Variants in ANO4 observed in about 807,000 individuals in gnomAD.
ANO4 encodes the protein anoctamin 4, also known as anoctamin-4.
ANO4 carries 69 observed loss-of-function variants against 141.9 expected under a neutral mutation model. The observed-to-expected ratio is 0.49, with a 90% CI of 0.40 to 0.59. The LOEUF is 0.59. ANO4 is among the 20% of genes least tolerant of loss of function. The probability of loss-of-function intolerance (pLI) is 0.00; values close to 1 mark genes in which losing one functional copy is unlikely to be tolerated. For synonymous variants in ANO4, 350 were observed against 394.3 expected, an observed-to-expected ratio of 0.89 and a Z score of 1.33; for missense variants, 894 against 1,162.2, an observed-to-expected ratio of 0.77 and a Z score of 3.36.
intron 8 of ANO4, among the ~76,000 whole-genome samples, chr12:100,994,474 G>C (rs1055539575): frequency 6.6e-6 from 1 of 152,170 alleles, no homozygotes; most frequent in Non-Finnish European, 1.5e-5. Context: ...TGCAAGAAGA[G>C]TCGTGTTACT....
At chr12:100,843,800 G>A (rs1412912836) in intron 1 of ANO4, among the ~76,000 whole-genome samples, 2 of 152,204 alleles carry the variant, frequency 1.3e-5, no homozygotes, top group African/African-American at 4.8e-5. Flanking sequence ...GAGAGTGATT[G>A]TGGGAGTTTG....
At chr12:100,941,951 G>GAA (rs768334027) in intron 4 of ANO4, among the ~76,000 whole-genome samples, 2 of 129,360 alleles carry the variant, frequency 1.5e-5, no homozygotes, top group South Asian at 2.7e-4. Flanking sequence ...TGAACACAAT[G>GAA]AAAAAAATTA....
intron 8 of ANO4, among the ~76,000 whole-genome samples, chr12:101,017,294 TACTC>T (rs752099076): frequency 2.0e-5 from 3 of 152,124 alleles, no homozygotes; most frequent in South Asian, 4.1e-4. Flanking sequence ...TCATGAGACT[TACTC>T]ACTATCACAA....
intron 14 of ANO4, among the ~76,000 whole-genome samples, chr12:101,065,011 A>G (rs2048518630): frequency 6.6e-6 from 1 of 152,118 alleles, no homozygotes; most frequent in African/African-American, 2.4e-5. Context: ...CCCTTATTTT[A>G]CTTAATTATG....
intron 1 of ANO4, among the ~76,000 whole-genome samples, chr12:100,896,181 C>A (rs1054149797): frequency 6.6e-6 from 1 of 152,240 alleles, no homozygotes; most frequent in African/African-American, 2.4e-5. Flanking sequence ...GCAAGTGTTA[C>A]CTTGTTTGAA....
chr12:101,103,209 ATATATATATATATATATAT>A (rs942715955), intron 22 of ANO4, among the ~76,000 whole-genome samples: 1 of 91,810 alleles, frequency 1.1e-5, no homozygotes, highest in African/African-American at 3.2e-5. Flanking sequence ...ATATATATAT[ATATATATATATATATATAT>A]ATCTTTTTGT....
At chr12:100,868,957 C>T (rs1044394284) in intron 1 of ANO4, among the ~76,000 whole-genome samples, 2 of 152,176 alleles carry the variant, frequency 1.3e-5, no homozygotes, top group African/African-American at 4.8e-5. Context: ...AGACAGCAGG[C>T]CAGATGTGGC....
intron 1 of ANO4, among the ~76,000 whole-genome samples, chr12:100,823,108 G>A (rs531164626): frequency 6.6e-6 from 1 of 152,100 alleles, no homozygotes; most frequent in Admixed American, 6.5e-5. Flanking sequence ...TGCTGCAACT[G>A]TACTTAGGTT....
intron 22 of ANO4, among the ~76,000 whole-genome samples, chr12:101,104,670 TAA>T (rs71091477): frequency 0.012 from 662 of 56,438 alleles, no homozygotes; most frequent in African/African-American, 0.028. Flanking sequence ...TATATATATA[TAA>T]ATAAAAAGAT....
At chr12:100,799,734 C>T (rs1418671348) in intron 1 of ANO4, among the ~76,000 whole-genome samples, 6 of 152,100 alleles carry the variant, frequency 3.9e-5, no homozygotes, top group African/African-American at 7.2e-5. Context: ...AGCAAGACTC[C>T]GTCTCAAAAA....
At chr12:101,071,236 G>C (rs1270367584) in intron 14 of ANO4, among the ~76,000 whole-genome samples, 1 of 151,794 alleles carries the variant, frequency 6.6e-6, no homozygotes, top group Non-Finnish European at 1.5e-5. Flanking sequence ...CTCTAGCACT[G>C]TTCACAATAG....
At chr12:100,726,919 A>T (rs1446678317) in intron 1 of ANO4, among the ~76,000 whole-genome samples, 2 of 151,996 alleles carry the variant, frequency 1.3e-5, no homozygotes, top group Non-Finnish European at 2.9e-5. Flanking sequence ...ACACACACAC[A>T]CAGAAAAGTG....
intron 3 of ANO4, among the ~76,000 whole-genome samples, chr12:100,932,556 A>T (rs1224685608): frequency 6.6e-6 from 1 of 152,158 alleles, no homozygotes; most frequent in Non-Finnish European, 1.5e-5. Context: ...GTGATCTCTT[A>T]TCCATAGGGT....
chr12:100,835,675 G>A (rs545378028), intron 1 of ANO4, among the ~76,000 whole-genome samples: 2 of 152,196 alleles, frequency 1.3e-5, no homozygotes, highest in African/African-American at 4.8e-5. Context: ...TTTTGTGCTT[G>A]TCTTTATACT....
chr12:100,753,308 CA>C (rs2032465050), intron 3 of ANO4, among the ~76,000 whole-genome samples: 1 of 152,090 alleles, frequency 6.6e-6, no homozygotes, highest in Admixed American at 6.6e-5. Flanking sequence ...TAATTGGGGC[CA>C]AAGACACAAT....
At chr12:100,811,822 G>A (rs1041569090) in intron 1 of ANO4, among the ~76,000 whole-genome samples, 4 of 152,112 alleles carry the variant, frequency 2.6e-5, no homozygotes, top group Non-Finnish European at 4.4e-5. Context: ...TAACTCTTCA[G>A]TTATTATTGT....
chr12:100,896,249 A>G (rs1410352354), intron 1 of ANO4, among the ~76,000 whole-genome samples: 1 of 152,164 alleles, frequency 6.6e-6, no homozygotes, highest in African/African-American at 2.4e-5. Context: ...ATTATCCTCC[A>G]TTATCCAGGT....
intron 8 of ANO4, among the ~76,000 whole-genome samples, chr12:101,013,047 T>C (rs977838482): frequency 1.3e-5 from 2 of 152,306 alleles, no homozygotes; most frequent in Non-Finnish European, 2.9e-5. Flanking sequence ...GTTCAGCCAT[T>C]GTATAAAACA....
intron 3 of ANO4, among the ~76,000 whole-genome samples, chr12:100,928,152 G>GGCA (rs2041948919): frequency 6.6e-6 from 1 of 151,968 alleles, no homozygotes; most frequent in Middle Eastern, 3.4e-3. Flanking sequence ...AGGAGCAGAT[G>GGCA]GCAGGGTATG....
Sources: gnomAD v4.1 joint callset for allele counts (sites outside exome capture counted in the v4.1 genomes callset) on GRCh38, gnomAD v4.1.1 for gene constraint, MANE v1.5 for transcripts, NCBI Gene and HGNC (gene_info 2026-07-23, HGNC 2026-07-21) for gene names.